LRRTM4: variants seen among roughly 807,000 people sequenced by gnomAD.
LRRTM4 encodes the protein leucine-rich repeat transmembrane neuronal protein 4.
LRRTM4 carries 25 observed loss-of-function variants against 47.6 expected under a neutral mutation model. The observed-to-expected ratio is 0.53, with a 90% CI of 0.38 to 0.73. The LOEUF (loss-of-function observed/expected upper bound fraction) is 0.73. LRRTM4 is among the 30% of genes least tolerant of loss of function. The probability of loss-of-function intolerance (pLI) is 0.00; values close to 1 mark genes in which losing one functional copy is unlikely to be tolerated. For synonymous variants in LRRTM4, 311 were observed against 269.5 expected, an observed-to-expected ratio of 1.15 and a Z score of -1.51; for missense variants, 638 against 713.4, an observed-to-expected ratio of 0.89 and a Z score of 1.20.
intron 3 of LRRTM4, among the ~76,000 whole-genome samples, chr2:77,140,826 C>T (rs1036477160): frequency 3.3e-5 from 5 of 152,196 alleles, no homozygotes; most frequent in African/African-American, 9.6e-5. Context: ...TGAACAGATA[C>T]TTCTCAAAAG....
chr2:76,820,733 A>G (rs1671029804), intron 3 of LRRTM4, among the ~76,000 whole-genome samples: 2 of 151,788 alleles, frequency 1.3e-5, no homozygotes, highest in Admixed American at 1.3e-4. Context: ...ATAATAGAGA[A>G]GTATGCTTAA....
chr2:77,375,523 G>C (rs1002022497), intron 3 of LRRTM4, among the ~76,000 whole-genome samples: 1 of 151,740 alleles, frequency 6.6e-6, no homozygotes, highest in African/African-American at 2.4e-5. Context: ...GCACAATACT[G>C]TATAGCAGAT....
chr2:77,003,835 G>T (rs1677530904), intron 3 of LRRTM4, among the ~76,000 whole-genome samples: 1 of 152,114 alleles, frequency 6.6e-6, no homozygotes, highest in Non-Finnish European at 1.5e-5. Flanking sequence ...GAAAAGTTTG[G>T]AACTTCTTAG....
At chr2:77,052,047 C>T (rs1037431459) in intron 3 of LRRTM4, among the ~76,000 whole-genome samples, 2 of 149,630 alleles carry the variant, frequency 1.3e-5, no homozygotes, top group South Asian at 2.1e-4. Flanking sequence ...TGTCTGAAGA[C>T]ATTTTGACCT....
At chr2:76,807,628 G>C (rs571835548) in intron 3 of LRRTM4, among the ~76,000 whole-genome samples, 1 of 151,438 alleles carries the variant, frequency 6.6e-6, no homozygotes, top group East Asian at 1.9e-4. Flanking sequence ...GTCTCACTCT[G>C]TTGCCCAGGC....
At chr2:77,515,754 C>G (rs568789354) in intron 3 of LRRTM4, among the ~76,000 whole-genome samples, 1 of 151,780 alleles carries the variant, frequency 6.6e-6, no homozygotes, top group Non-Finnish European at 1.5e-5. Context: ...TTGGGCAAAT[C>G]GCTGCCCTCT....
intron 3 of LRRTM4, among the ~76,000 whole-genome samples, chr2:76,996,918 A>C (rs763922245): frequency 1.3e-5 from 2 of 152,150 alleles, no homozygotes; most frequent in African/African-American, 4.8e-5. Flanking sequence ...CAATGTTTCT[A>C]TACATACAGG....
At chr2:76,982,268 A>T (rs1465549241) in intron 3 of LRRTM4, among the ~76,000 whole-genome samples, 4 of 152,032 alleles carry the variant, frequency 2.6e-5, no homozygotes, top group African/African-American at 9.7e-5. Context: ...AAATCACCAA[A>T]ATAACATAAA....
intron 3 of LRRTM4, among the ~76,000 whole-genome samples, chr2:76,753,423 C>T (rs1354156422): frequency 6.6e-6 from 1 of 152,098 alleles, no homozygotes; most frequent in East Asian, 1.9e-4. Flanking sequence ...CACATGATGG[C>T]TCATAGATTG....
chr2:76,853,292 C>T (rs1041387499), intron 3 of LRRTM4, among the ~76,000 whole-genome samples: 1 of 152,054 alleles, frequency 6.6e-6, no homozygotes, highest in Non-Finnish European at 1.5e-5. Flanking sequence ...GAAATATAAT[C>T]AACAGAACTC....
intron 3 of LRRTM4, among the ~76,000 whole-genome samples, chr2:76,885,312 T>C (rs949543735): frequency 6.6e-6 from 1 of 152,070 alleles, no homozygotes; most frequent in Non-Finnish European, 1.5e-5. Context: ...GACTGTAAAC[T>C]GAAAGACTGG....
intron 3 of LRRTM4, among the ~76,000 whole-genome samples, chr2:77,145,440 AT>A (rs1348618531): frequency 6.6e-6 from 1 of 151,970 alleles, no homozygotes; most frequent in African/African-American, 2.4e-5. Flanking sequence ...ATTTGAACGA[AT>A]TAAAATCTTC....
chr2:76,821,148 A>G (rs1573167473), intron 3 of LRRTM4, among the ~76,000 whole-genome samples: 2 of 151,850 alleles, frequency 1.3e-5, no homozygotes, highest in East Asian at 3.9e-4. Context: ...GTTAAGAAAA[A>G]AAGAGTTATT....
At chr2:77,213,965 A>G (rs1674366588) in intron 3 of LRRTM4, among the ~76,000 whole-genome samples, 1 of 151,826 alleles carries the variant, frequency 6.6e-6, no homozygotes, top group African/African-American at 2.4e-5. Context: ...ACAAACAAAC[A>G]AAAGAAAAAA....
Position 77,071,786 on chromosome 2 carries a change from G to A in LRRTM4, c.1552-322870C>T, listed in dbSNP as rs72807214. ...GAGTTTTACAAGTAGCAAAATTCAA[G>A]AATATACAGTATCTGTTGTTGATAA... On this transcript the variant is annotated intron_variant, in intron 3 of 3. Transcript: ENST00000409884. Among the ~76,000 whole-genome samples, 299 of 152,202 alleles carry A rather than the reference G, an allele frequency of 2.0e-3. 4 individuals carry two copies. Among genetic ancestry groups the A allele is most frequent in the African/African-American group, 7.0e-3 (289 of 41,550 alleles).
Position 77,468,533 on chromosome 2 carries a change from C to T in LRRTM4, c.1551+49785G>A, listed in dbSNP as rs146990429. Among the ~76,000 whole-genome samples, 653 of 152,232 alleles carry T rather than the reference C, an allele frequency of 4.3e-3. 3 individuals carry two copies. The highest frequency in any genetic ancestry group is 0.015 in the African/African-American group (625 of 41,536). On this transcript the variant is annotated intron_variant, in intron 3 of 3. Coordinates refer to ENST00000409884, the MANE Select transcript of LRRTM4 (RefSeq NM_001134745.3). The stretch of plus-strand genomic sequence containing the variant: ...ATCTTCAAATATTGAAGTATCTGGG[C>T]GTCAAGTCCCCATTGTGCTTTGAAG...
chr2:77,086,684 G>C (rs142781309), intron 3 of LRRTM4, among the ~76,000 whole-genome samples: 1 of 151,726 alleles, frequency 6.6e-6, no homozygotes, highest in Non-Finnish European at 1.5e-5. Flanking sequence ...TAGTAGAGAC[G>C]GGGTTTCACC....
chr2:77,110,724 T>C (rs1457542992), intron 3 of LRRTM4, among the ~76,000 whole-genome samples: 1 of 152,176 alleles, frequency 6.6e-6, no homozygotes, highest in Non-Finnish European at 1.5e-5. Flanking sequence ...AAAATACATC[T>C]GTATAAAAGC....
chr2:76,790,699 ACC>A (rs147399412), intron 3 of LRRTM4, among the ~76,000 whole-genome samples: 1 of 145,718 alleles, frequency 6.9e-6, no homozygotes, highest in African/African-American at 2.5e-5. Context: ...AATTGGATAG[ACC>A]CCCCCCCACC....
Sources: allele counts gnomAD v4.1 joint callset (sites outside exome capture counted in the v4.1 genomes callset), GRCh38; gene constraint gnomAD v4.1.1; transcripts MANE v1.5; gene names NCBI Gene and HGNC (gene_info 2026-07-23, HGNC 2026-07-21).